Variants in MMP16 observed in about 807,000 individuals in gnomAD.
MMP16 encodes matrix metalloproteinase-16.
Under a neutral mutation model 67.8 loss-of-function variants are expected in MMP16, and 12 were observed. The ratio of observed to expected loss-of-function variants is 0.18; its 90% CI spans 0.11 to 0.29. The LOEUF (loss-of-function observed/expected upper bound fraction) is 0.29, where lower values mean the gene tolerates loss of function less well. Ranked by LOEUF, MMP16 falls within the 10% of genes least tolerant of loss-of-function variation. The pLI, the probability that MMP16 is intolerant of heterozygous loss-of-function variation, is 1.00. For missense variants in MMP16, 475 were observed against 765.7 expected (o/e 0.62, Z 4.48); for synonymous variants, 249 against 255.9 (o/e 0.97, Z 0.26).
chr8:88,055,827 C>A (rs1808325060), intron 8 of MMP16, among the ~76,000 whole-genome samples: 1 of 151,794 alleles, frequency 6.6e-6, no homozygotes, highest in African/African-American at 2.4e-5. Flanking sequence ...CCAAAAGATG[C>A]ATTGCAAGGA....
At chr8:88,117,009 C>A (rs997923130) in intron 5 of MMP16, among the ~76,000 whole-genome samples, 4 of 151,988 alleles carry the variant, frequency 2.6e-5, no homozygotes, top group African/African-American at 9.7e-5. Context: ...TTTGGGAAAG[C>A]TGCCTTCAGA....
At chr8:88,113,626 A>G (rs1184594439) in intron 6 of MMP16, among the ~76,000 whole-genome samples, 1 of 151,916 alleles carries the variant, frequency 6.6e-6, no homozygotes, top group Non-Finnish European at 1.5e-5. Flanking sequence ...GTCTAGACTA[A>G]GTAAGTATAG....
chr8:88,236,111 G>A (rs1439191441), intron 1 of MMP16, among the ~76,000 whole-genome samples: 1 of 152,156 alleles, frequency 6.6e-6, no homozygotes, highest in Non-Finnish European at 1.5e-5. Context: ...TTCATAAAGT[G>A]GAAATTTGTG....
chr8:88,097,246 G>T (rs562863569), intron 6 of MMP16, among the ~76,000 whole-genome samples: 11 of 151,826 alleles, frequency 7.2e-5, no homozygotes, highest in African/African-American at 2.4e-4. Flanking sequence ...GTTGAACCAG[G>T]ATATTAACTA....
Position 88,186,281 on chromosome 8 carries a change from T to G in MMP16, c.404+195A>C, listed in dbSNP as rs1586195319. The G allele has an allele frequency of 1.5e-5, 7 of 472,946 alleles. No individual in the cohort carries two copies. In the East Asian group the frequency reaches 2.3e-4, roughly 16 times the overall value. 29.3% of individuals were successfully genotyped at this position (472,946 alleles called of 1,614,324 possible). A position where few individuals can be genotyped will look rare whatever the true frequency, so the allele number is the denominator to read the frequency against. ...GGAATAGTTTACAAAAGAGCCCAAG[T>G]GTCTCAGAGTGTCTACATAGGGTGT... On this transcript the variant is annotated intron_variant, in intron 3 of 9. Coordinates refer to ENST00000286614, the MANE Select transcript of MMP16 (RefSeq NM_005941.5).
intron 4 of MMP16, among the ~76,000 whole-genome samples, chr8:88,148,245 T>C (rs1808327832): frequency 6.6e-6 from 1 of 152,222 alleles, no homozygotes; most frequent in South Asian, 2.1e-4. Flanking sequence ...AAAGACATCC[T>C]GCATTGAAGT....
chr8:88,217,477 G>A (rs1809612480), intron 1 of MMP16, among the ~76,000 whole-genome samples: 1 of 151,962 alleles, frequency 6.6e-6, no homozygotes, highest in African/African-American at 2.4e-5. Context: ...AAGAATATCT[G>A]TAATATTAAT....
chr8:88,186,496 C>T lies in MMP16; in HGVS notation c.384G>A (p.Gln128=), dbSNP rs539504000. 17 of 1,611,422 alleles carry T rather than the reference C, an allele frequency of 1.1e-5. No individual in the cohort carries two copies. Among genetic ancestry groups the T allele is most frequent in the South Asian group, 4.4e-5 (4 of 90,998 alleles). The change falls in exon 3 of 10, where the codon CAG becomes CAA. Residue 128 remains glutamine, a synonymous_variant. Transcript: ENST00000286614. ...TATACCTGTAAGTGATGTGCTTGTG[C>T]TGCCATTTCTGTCCTGTCAATGCAT... ...KRYALTGQKW[Q]HKHITYSIKN...
intron 4 of MMP16, among the ~76,000 whole-genome samples, chr8:88,157,242 C>T (rs1369430277): frequency 6.6e-6 from 1 of 152,042 alleles, no homozygotes; most frequent in East Asian, 1.9e-4. Context: ...TAACTCTTGC[C>T]CTTATTCTCT....
intron 1 of MMP16, among the ~76,000 whole-genome samples, chr8:88,199,668 T>C (rs1809310601): frequency 6.6e-6 from 1 of 152,040 alleles, no homozygotes; most frequent in South Asian, 2.1e-4. Flanking sequence ...TTTGCATCTT[T>C]TTCACTGTTC....
At chr8:88,084,002 A>G (rs1258299675) in intron 6 of MMP16, among the ~76,000 whole-genome samples, 2 of 152,052 alleles carry the variant, frequency 1.3e-5, no homozygotes, top group East Asian at 1.9e-4. Context: ...TTTTCCCCCA[A>G]TGGTAACGCT....
At chr8:88,146,518 C>T (rs1057371282) in intron 4 of MMP16, among the ~76,000 whole-genome samples, 1 of 151,848 alleles carries the variant, frequency 6.6e-6, no homozygotes, top group East Asian at 1.9e-4. Flanking sequence ...GAAAAAATGT[C>T]ATCATATTGT....
In MMP16 at chr8:88,286,700, C is replaced by A. The variant is rs189775467; in HGVS notation, c.132+40375G>T. 1.6e-4 allele frequency among the ~76,000 whole-genome samples: 24 copies of A among 152,090 alleles called. No homozygotes were observed. In the East Asian group the frequency reaches 4.7e-3, roughly 30 times the overall value. ...ATGCCATTCTCCTGCCTCAGCCTCC[C>A]AAGTAGCTGCTACTACAGGCGCCCG... On this transcript the variant is annotated intron_variant, in intron 1 of 9. Coordinates refer to ENST00000286614, the MANE Select transcript of MMP16 (RefSeq NM_005941.5).
intron 1 of MMP16, among the ~76,000 whole-genome samples, chr8:88,253,338 G>C (rs1241526837): frequency 2.0e-5 from 3 of 152,140 alleles, no homozygotes; most frequent in Middle Eastern, 3.4e-3. Flanking sequence ...CTTCCAAAGA[G>C]TATAATACAC....
rs144513281 is a variant in MMP16, at chr8:88,067,287, T to C, written c.1222+7318A>G. Reference sequence around the variant, plus strand: ...GAAACTAAAACTGAAATAGTATTAATTTGGATATTCATAATCAACATGCTC... The same window carrying C: ...GAAACTAAAACTGAAATAGTATTAACTTGGATATTCATAATCAACATGCTC... On this transcript the variant is annotated intron_variant, in intron 7 of 9. Coordinates refer to ENST00000286614, the MANE Select transcript of MMP16 (RefSeq NM_005941.5). Among the ~76,000 whole-genome samples the C allele has an allele frequency of 1.5e-4, 23 of 152,236 alleles. No homozygotes were observed. The East Asian group carries it at 4.3e-3, about 28-fold the overall frequency.
intron 1 of MMP16, among the ~76,000 whole-genome samples, chr8:88,292,688 C>T (rs28986493): frequency 0.033 from 4,978 of 152,138 alleles, 250 homozygotes; most frequent in African/African-American, 0.1. Context: ...TTTTTTCACT[C>T]ACTAGTATTC....
At chr8:88,183,712 C>A (rs866320626) in intron 3 of MMP16, among the ~76,000 whole-genome samples, 1 of 92,068 alleles carries the variant, frequency 1.1e-5, no homozygotes, top group Non-Finnish European at 2.0e-5. Flanking sequence ...AAATGTCCTT[C>A]TTTTTTTTTT....
intron 1 of MMP16, among the ~76,000 whole-genome samples, chr8:88,207,034 T>C (rs545778709): frequency 1.3e-5 from 2 of 152,186 alleles, no homozygotes; most frequent in Non-Finnish European, 2.9e-5. Flanking sequence ...AAAAACCTCA[T>C]AGATGAACCA....
At chr8:88,248,070 T>C (rs1810148183) in intron 1 of MMP16, among the ~76,000 whole-genome samples, 2 of 152,010 alleles carry the variant, frequency 1.3e-5, no homozygotes, top group Non-Finnish European at 2.9e-5. Context: ...CCTATATACA[T>C]ACACCTCCCC....
Sources: gnomAD v4.1 joint callset for allele counts (sites outside exome capture counted in the v4.1 genomes callset) on GRCh38, gnomAD v4.1.1 for gene constraint, MANE v1.5 for transcripts, NCBI Gene and HGNC (gene_info 2026-07-23, HGNC 2026-07-21) for gene names.